Variants in STX6 observed in about 807,000 individuals in gnomAD.
The protein encoded by STX6 is syntaxin 6.
STX6 carries 23 observed loss-of-function variants against 38.0 expected under a neutral mutation model. The observed-to-expected ratio is 0.60, with a 90% CI of 0.43 to 0.86. The LOEUF (loss-of-function observed/expected upper bound fraction) is 0.86. STX6 is among the 40% of genes least tolerant of loss of function. The pLI is 0.00. For missense variants in STX6, 274 were observed against 312.9 expected, an observed-to-expected ratio of 0.88 and a Z score of 0.94; for synonymous variants, 123 against 107.5, an observed-to-expected ratio of 1.14 and a Z score of -0.89.
At chr1:180,981,720 T>C (rs1388324770) in intron 7 of STX6, among the ~76,000 whole-genome samples, 2 of 152,218 alleles carry the variant, frequency 1.3e-5, no homozygotes, top group African/African-American at 4.8e-5. Flanking sequence ...CTGAAGTGGC[T>C]AAGCTGCCTC....
Position 180,990,054 on chromosome 1 carries a change from T to C in STX6, c.419A>G (p.Tyr140Cys). 6.2e-7 allele frequency: 1 copy of C among 1,614,138 alleles called. No individual in the cohort carries two copies. The highest frequency in any genetic ancestry group is 1.3e-5 in the African/African-American group (1 of 75,038). ...QNWSTGTTDK[Y>C]GRLDRELQRA... ...CTGGAGCTCTCGGTCCAGACGCCCA[T>C]ATTTATCTGTTGTTCCAGTGCTCCA... is the stretch of plus-strand genomic sequence containing the variant. Residue 140 changes from tyrosine to cysteine, a missense_variant, in exon 5 of 8, where the codon TAT (tyrosine) becomes TGT (cysteine). Tyr to Cys is a radical substitution (Grantham distance 194, BLOSUM62 -2). Coordinates refer to ENST00000258301, the MANE Select transcript of STX6 (RefSeq NM_005819.6).
intron 1 of STX6, among the ~76,000 whole-genome samples, chr1:181,013,493 TA>T (rs1656468634): frequency 6.6e-6 from 1 of 152,180 alleles, no homozygotes; most frequent in Non-Finnish European, 1.5e-5. Context: ...TAATTTTTTT[TA>T]TTTATTGTAG....
rs1478178328 is a variant in STX6 at position 180,974,042 on chromosome 1, A to G, written c.*2528T>C. 1 of 152,242 alleles carries G rather than the reference A, an allele frequency of 6.6e-6. No individual in the cohort carries two copies. The highest frequency in any genetic ancestry group is 2.4e-5 in the African/African-American group (1 of 41,456). The allele number at this position is 152,242 out of a possible 1,614,324, so 9.4% of individuals were successfully genotyped here. A position where few individuals can be genotyped will look rare whatever the true frequency, so the allele number is the denominator to read the frequency against. ...TCCCATTCTAGGACACAGGGTGAAG[A>G]GACCACCTGGGTTCCCTCTAAAGCC... On this transcript the variant is annotated 3_prime_UTR_variant, in exon 8 of 8. Coordinates refer to ENST00000258301, the MANE Select transcript of STX6 (RefSeq NM_005819.6).
At chr1:180,983,493 AACATATCTTAT>A (rs1655471886) in intron 7 of STX6, among the ~76,000 whole-genome samples, 1 of 152,234 alleles carries the variant, frequency 6.6e-6, no homozygotes, top group Non-Finnish European at 1.5e-5. Context: ...GAGTCACTGG[AACATATCTTAT>A]ACAGTAACTA....
chr1:181,010,067 C>A (rs192769930), intron 1 of STX6, among the ~76,000 whole-genome samples: 3 of 152,110 alleles, frequency 2.0e-5, no homozygotes, highest in Admixed American at 2.0e-4. Context: ...GCCAGGTGCT[C>A]GACATGGGGG....
At chr1:180,991,086 T>C (rs1404087448) in intron 4 of STX6, among the ~76,000 whole-genome samples, 1 of 152,224 alleles carries the variant, frequency 6.6e-6, no homozygotes, top group East Asian at 1.9e-4. Context: ...AAAGCCTGCC[T>C]GGTTACTTGG....
chr1:181,003,269 C>T (rs2102320423), intron 2 of STX6, among the ~76,000 whole-genome samples: 1 of 152,250 alleles, frequency 6.6e-6, no homozygotes, highest in Middle Eastern at 3.4e-3. Context: ...TACTTGATTA[C>T]CATCTGTCCC....
intron 3 of STX6, among the ~76,000 whole-genome samples, chr1:181,000,568 G>T (rs1483416193): frequency 6.6e-6 from 1 of 152,140 alleles, no homozygotes; most frequent in African/African-American, 2.4e-5. Context: ...GACACATGGG[G>T]ATTATGGGGA....
At chr1:180,978,434 G>A (rs931586494) in intron 7 of STX6, among the ~76,000 whole-genome samples, 1 of 152,202 alleles carries the variant, frequency 6.6e-6, no homozygotes, top group African/African-American at 2.4e-5. Context: ...GTGTGGACAA[G>A]TCTGAGATGA....
Position 180,972,767 on chromosome 1 carries a change from T to A in STX6, c.*3803A>T, listed in dbSNP as rs1655155370. 1.0e-5 allele frequency: 4 copies of A among 389,310 alleles called. No individual in the cohort carries two copies. Among genetic ancestry groups the A allele is most frequent in the South Asian group, 7.8e-5 (4 of 51,446 alleles). The allele number at this position is 389,310 out of a possible 1,614,324, so 24.1% of individuals were successfully genotyped here. The stretch of plus-strand genomic sequence containing the variant: ...TATTTTCCTTTTCCGGAGACTTTTG[T>A]ACATACTGTTGTCCTGAGTAACAGT... On this transcript the variant is annotated 3_prime_UTR_variant, in exon 8 of 8. Coordinates refer to ENST00000258301, the MANE Select transcript of STX6 (RefSeq NM_005819.6).
intron 1 of STX6, among the ~76,000 whole-genome samples, chr1:181,011,300 T>C (rs778489199): frequency 8.5e-5 from 13 of 152,218 alleles, no homozygotes; most frequent in Non-Finnish European, 1.5e-4. Flanking sequence ...ATCTGCAGTG[T>C]ATCAGGGAAT....
At position 180,988,372 on chromosome 1, in the gene STX6, C is replaced by A. The variant is rs200059232; in HGVS notation, c.490-27G>T. 5 of 1,575,324 alleles carry A rather than the reference C, an allele frequency of 3.2e-6. No homozygotes were observed. The African/African-American group carries it at 6.7e-5, about 21-fold the overall frequency. On this transcript the variant is annotated intron_variant, in intron 5 of 7. Coordinates refer to ENST00000258301, the MANE Select transcript of STX6 (RefSeq NM_005819.6). ...TGGTGCCAGAGAAATGGGAAATAAG[C>A]AATTAAAATCCATCTTACCTGGTTC... is the stretch of plus-strand genomic sequence containing the variant.
intron 7 of STX6, 53 bp downstream of exon 7, chr1:180,984,624 G>C (rs1655518294): frequency 1.3e-6 from 1 of 769,738 alleles, no homozygotes; most frequent in East Asian, 2.7e-5. Context: ...ACACCCCCAA[G>C]ACAGAGTTCT....
intron 1 of STX6, among the ~76,000 whole-genome samples, chr1:181,021,458 T>C (rs952849463): frequency 2.6e-5 from 4 of 152,172 alleles, no homozygotes; most frequent in African/African-American, 9.7e-5. Context: ...ATCGATAAAG[T>C]ATTTCACCTA....
chr1:180,976,872 G>A (rs77662100), intron 7 of STX6, among the ~76,000 whole-genome samples: 226 of 152,248 alleles, frequency 1.5e-3, no homozygotes, highest in African/African-American at 5.3e-3. Flanking sequence ...AAAATGTCTC[G>A]TAATAATTAC....
At chr1:180,989,574 C>T (rs1370559070) in intron 5 of STX6, among the ~76,000 whole-genome samples, 2 of 151,068 alleles carry the variant, frequency 1.3e-5, no homozygotes, top group Non-Finnish European at 2.9e-5. Flanking sequence ...AGTGTCTTTG[C>T]TGAGATGGAC....
In STX6 at chr1:181,022,818, G is replaced by A. The variant is rs192939827; in HGVS notation, c.-145C>T. On this transcript the variant is annotated 5_prime_UTR_variant, in exon 1 of 8. Coordinates refer to ENST00000258301, the MANE Select transcript of STX6 (RefSeq NM_005819.6). The stretch of plus-strand genomic sequence containing the variant: ...GAGCAGCGGGCACGCGCACAGGCCA[G>A]GTGCACAGGACGGCCGCTGGTCCAG... The A allele has an allele frequency of 7.9e-4, 597 of 753,308 alleles. 7 individuals carry two copies. The Admixed American group carries it at 0.013, about 16-fold the overall frequency. The allele number at this position is 753,308 out of a possible 1,614,324, so 46.7% of individuals were successfully genotyped here.
At position 180,974,789 on chromosome 1, in the gene STX6, TACTC is replaced by T. The variant is rs1467906922; in HGVS notation, c.*1777_*1780del. ...TCTAAACATCTGAAGCCCTTTGTAA[TACTC>T]ACTGTTTTTTCCTAATTTGAAAATA... On this transcript the variant is annotated 3_prime_UTR_variant, in exon 8 of 8. Transcript: ENST00000258301. The T allele has an allele frequency of 1.3e-5, 2 of 152,616 alleles. No homozygotes were observed. Among genetic ancestry groups the T allele is most frequent in the Non-Finnish European group, 2.9e-5 (2 of 68,046 alleles). 9.5% of individuals were successfully genotyped at this position (152,616 alleles called of 1,614,324 possible).
chr1:180,977,677 T>C (rs76267329), intron 7 of STX6, among the ~76,000 whole-genome samples: 3 of 152,316 alleles, frequency 2.0e-5, no homozygotes, highest in Non-Finnish European at 2.9e-5. Context: ...TCCATTTAAA[T>C]AGAAATATAA....
Sources: allele counts gnomAD v4.1 joint callset (sites outside exome capture counted in the v4.1 genomes callset), GRCh38; gene constraint gnomAD v4.1.1; transcripts MANE v1.5; gene names NCBI Gene and HGNC (gene_info 2026-07-23, HGNC 2026-07-21).